The following ATP8A2 variants were observed in gnomAD, a reference collection of about 807,000 sequenced individuals.
ATP8A2 encodes the protein phospholipid-transporting ATPase IB.
ATP8A2 carries 100 observed loss-of-function variants against 165.6 expected under a neutral mutation model. The ratio of observed to expected loss-of-function variants is 0.60; its 90% CI spans 0.51 to 0.71. ATP8A2 has a LOEUF of 0.71. Ranked by LOEUF, ATP8A2 falls within the 30% of genes least tolerant of loss-of-function variation. The pLI is 0.00. For synonymous variants in ATP8A2, 543 were observed against 548.8 expected (o/e 0.99, Z 0.15); for missense variants, 1,227 against 1,479.5 (o/e 0.83, Z 2.80).
chr13:26,018,375 A>G (rs1224235983), intron 36 of ATP8A2, among the ~76,000 whole-genome samples: 3 of 152,196 alleles, frequency 2.0e-5, no homozygotes, highest in Non-Finnish European at 2.9e-5. Flanking sequence ...GATACTCTAG[A>G]AATTTCCTTT....
At chr13:25,641,857 A>C (rs1330930074) in intron 24 of ATP8A2, among the ~76,000 whole-genome samples, 1 of 106,018 alleles carries the variant, frequency 9.4e-6, no homozygotes, top group East Asian at 2.9e-4. Flanking sequence ...CAAACTATAC[A>C]AGGCTACAGT....
chr13:25,809,034 T>G (rs1274828754), intron 27 of ATP8A2, among the ~76,000 whole-genome samples: 2 of 152,166 alleles, frequency 1.3e-5, no homozygotes, highest in Non-Finnish European at 2.9e-5. Context: ...CTGTTGAAAT[T>G]TACACGCTAC....
intron 24 of ATP8A2, among the ~76,000 whole-genome samples, chr13:25,625,568 G>C (rs2041079480): frequency 1.3e-5 from 2 of 152,188 alleles, no homozygotes; most frequent in South Asian, 4.1e-4. Flanking sequence ...GGTCTTTGGG[G>C]AGGCAGGGGC....
chr13:25,998,718 T>A (rs1174305529), intron 35 of ATP8A2, among the ~76,000 whole-genome samples: 1 of 152,200 alleles, frequency 6.6e-6, no homozygotes, highest in Non-Finnish European at 1.5e-5. Context: ...CAGGGAGGAC[T>A]GGAGGAATCT....
intron 2 of ATP8A2, among the ~76,000 whole-genome samples, chr13:25,528,846 CACATATGCAACATGTGTATGCAT>C (rs71077478): frequency 0.024 from 1,512 of 62,428 alleles, 2 homozygotes; most frequent in African/African-American, 0.045. Flanking sequence ...TGTGTATGCA[CACATATGCAACATGTGTATGCAT>C]ACATATGCAA....
intron 10 of ATP8A2, among the ~76,000 whole-genome samples, chr13:25,545,691 G>A (rs1242024059): frequency 6.6e-6 from 1 of 152,084 alleles, no homozygotes; most frequent in African/African-American, 2.4e-5. Flanking sequence ...CTGGAGTGTG[G>A]TGGCGCGATC....
chr13:25,570,479 G>T (rs1218403058), intron 16 of ATP8A2, among the ~76,000 whole-genome samples: 7 of 152,220 alleles, frequency 4.6e-5, no homozygotes, highest in Non-Finnish European at 7.3e-5. Context: ...GGCAGGGTGT[G>T]TGGAGGTACA....
At chr13:25,830,975 C>A (rs1486513539) in intron 28 of ATP8A2, among the ~76,000 whole-genome samples, 1 of 152,110 alleles carries the variant, frequency 6.6e-6, no homozygotes, top group Non-Finnish European at 1.5e-5. Flanking sequence ...TTTTGCTATT[C>A]TTGCTCCAAT....
intron 35 of ATP8A2, among the ~76,000 whole-genome samples, chr13:25,992,547 AG>A (rs1956415980): frequency 6.6e-6 from 1 of 152,142 alleles, no homozygotes; most frequent in African/African-American, 2.4e-5. Context: ...ATAGAAGAAA[AG>A]TTAATTTTAG....
At chr13:25,517,283 G>A (rs2037510452) in intron 2 of ATP8A2, 1 of 151,874 alleles carries the variant, frequency 6.6e-6, no homozygotes, top group South Asian at 2.1e-4. Flanking sequence ...TTTCAATAAT[G>A]TCACTTTTAA....
rs371843407 is a variant in ATP8A2, at chr13:25,454,760, A to G, written c.77-14217A>G. ...AACGTGGTGAAACCCCGTCTCTACT[A>G]AAAATACAAAAATTGGCCAGGCGTG... On this transcript the variant is annotated intron_variant, in intron 1 of 36. Transcript: ENST00000381655. Among the ~76,000 whole-genome samples the G allele has an allele frequency of 1.6e-4, 24 of 152,238 alleles. No individual in the cohort carries two copies. The East Asian group carries it at 4.5e-3, about 28-fold the overall frequency.
At chr13:25,690,335 A>T (rs2042697783) in intron 24 of ATP8A2, among the ~76,000 whole-genome samples, 1 of 152,130 alleles carries the variant, frequency 6.6e-6, no homozygotes, top group Non-Finnish European at 1.5e-5. Context: ...TCTGTCCTCT[A>T]ACACTGCATG....
intron 25 of ATP8A2, among the ~76,000 whole-genome samples, chr13:25,714,935 T>G (rs1184075201): frequency 6.6e-6 from 1 of 152,140 alleles, no homozygotes; most frequent in Non-Finnish European, 1.5e-5. Context: ...ATGTACTGAG[T>G]GCAGGGTGCT....
chr13:25,853,741 G>A (rs1952078468), intron 30 of ATP8A2, among the ~76,000 whole-genome samples: 1 of 152,136 alleles, frequency 6.6e-6, no homozygotes, highest in Non-Finnish European at 1.5e-5. Flanking sequence ...GGATTAATGA[G>A]CAGATGGGTT....
chr13:25,896,243 C>T lies in ATP8A2; in HGVS notation c.3183+33835C>T, dbSNP rs149259255. Among the ~76,000 whole-genome samples, 1,519 of 152,290 alleles carry T rather than the reference C, an allele frequency of 1.0e-2. 15 individuals carry two copies. The highest frequency in any genetic ancestry group is 0.014 in the Non-Finnish European group (926 of 68,024). ...TTCTGGTATGCTCTGTCTTTGTTCTCATTGGTTTCAAAGAACATCTTTATT... is the reference window on the plus strand; with the variant it reads ...TTCTGGTATGCTCTGTCTTTGTTCTTATTGGTTTCAAAGAACATCTTTATT... On this transcript the variant is annotated intron_variant, in intron 33 of 36. Transcript: ENST00000381655.
intron 2 of ATP8A2, among the ~76,000 whole-genome samples, chr13:25,486,587 CTGCTTACTGTTTGAAA>C (rs1374104594): frequency 1.3e-5 from 2 of 152,158 alleles, no homozygotes; most frequent in Non-Finnish European, 2.9e-5. Flanking sequence ...AACTTATGTG[CTGCTTACTGTTTGAAA>C]TACATTGAAT....
At chr13:25,858,127 G>A (rs1324152540) in intron 30 of ATP8A2, among the ~76,000 whole-genome samples, 1 of 152,184 alleles carries the variant, frequency 6.6e-6, no homozygotes, top group Non-Finnish European at 1.5e-5. Context: ...CTAAACTGAA[G>A]TATTTCTTCA....
intron 27 of ATP8A2, among the ~76,000 whole-genome samples, chr13:25,805,451 A>G (rs903695748): frequency 6.6e-6 from 1 of 152,198 alleles, no homozygotes; most frequent in Non-Finnish European, 1.5e-5. Flanking sequence ...AGGGTGGTCA[A>G]GGCTACTGTG....
intron 30 of ATP8A2, among the ~76,000 whole-genome samples, chr13:25,846,003 C>T (rs1341391051): frequency 6.6e-6 from 1 of 152,052 alleles, no homozygotes; most frequent in Non-Finnish European, 1.5e-5. Context: ...TGGTGAAACC[C>T]CATCTCTACT....
Sources: gnomAD v4.1 joint callset for allele counts (sites outside exome capture counted in the v4.1 genomes callset) on GRCh38, gnomAD v4.1.1 for gene constraint, MANE v1.5 for transcripts, NCBI Gene and HGNC (gene_info 2026-07-23, HGNC 2026-07-21) for gene names.